VPS13B: variants seen among roughly 807,000 people sequenced by gnomAD.
VPS13B encodes the protein vacuolar protein sorting 13 homolog B, also known as intermembrane lipid transfer protein VPS13B.
A neutral mutation model predicts 426.4 loss-of-function variants in VPS13B; 285 were observed. That is an observed-to-expected ratio of 0.67 (90% CI 0.61 to 0.74). The LOEUF (loss-of-function observed/expected upper bound fraction) is 0.74. Ranked by LOEUF, VPS13B falls within the 30% of genes least tolerant of loss-of-function variation. VPS13B has a pLI of 0.00. For synonymous variants in VPS13B, 1,676 were observed against 1,676.4 expected (o/e 1.00, Z 0.01); for missense variants, 4,537 against 4,782.6 (o/e 0.95, Z 1.51).
chr8:99,097,476 C>A (rs1171915089), intron 4 of VPS13B, among the ~76,000 whole-genome samples: 1 of 152,044 alleles, frequency 6.6e-6, no homozygotes, highest in Non-Finnish European at 1.5e-5. Context: ...AGGATAGGAG[C>A]CTTTTAAACT....
intron 34 of VPS13B, among the ~76,000 whole-genome samples, chr8:99,655,569 G>A (rs1019284790): frequency 1.1e-4 from 16 of 152,040 alleles, no homozygotes; most frequent in Admixed American, 4.6e-4. Flanking sequence ...CAGTGGGCCC[G>A]GTTAGTGATT....
intron 21 of VPS13B, among the ~76,000 whole-genome samples, chr8:99,413,877 G>A (rs886659045): frequency 6.6e-6 from 1 of 152,200 alleles, no homozygotes; most frequent in Non-Finnish European, 1.5e-5. Context: ...TAAGTGTGAT[G>A]TGGTGCTGAA....
chr8:99,840,503 A>T (rs1304738358), intron 54 of VPS13B, among the ~76,000 whole-genome samples: 1 of 152,202 alleles, frequency 6.6e-6, no homozygotes, highest in Non-Finnish European at 1.5e-5. Flanking sequence ...CAGGTCATTA[A>T]TAAATATGTT....
At chr8:99,747,453 C>A (rs1810151537) in intron 39 of VPS13B, among the ~76,000 whole-genome samples, 1 of 151,790 alleles carries the variant, frequency 6.6e-6, no homozygotes, top group Non-Finnish European at 1.5e-5. Context: ...GAATACAGAC[C>A]AGCTGTTGGT....
chr8:99,581,934 A>G (rs1826082674), intron 33 of VPS13B, among the ~76,000 whole-genome samples: 1 of 152,174 alleles, frequency 6.6e-6, no homozygotes, highest in South Asian at 2.1e-4. Flanking sequence ...CTAGAGGACT[A>G]GTACAACAGG....
intron 17 of VPS13B, among the ~76,000 whole-genome samples, chr8:99,198,456 A>T (rs959632287): frequency 1.3e-5 from 2 of 152,018 alleles, no homozygotes; most frequent in East Asian, 1.9e-4. Context: ...TCTTTTTCCT[A>T]GCCAAACCTA....
intron 19 of VPS13B, among the ~76,000 whole-genome samples, chr8:99,325,689 A>T (rs1413045946): frequency 6.6e-6 from 1 of 152,174 alleles, no homozygotes. Flanking sequence ...CATGATTGGC[A>T]AGGACCTAGT....
chr8:99,255,477 G>A (rs1817699353), intron 17 of VPS13B, among the ~76,000 whole-genome samples: 1 of 152,104 alleles, frequency 6.6e-6, no homozygotes, highest in South Asian at 2.1e-4. Context: ...ATTGTTTTCC[G>A]AGATTCTGTG....
chr8:99,159,269 T>C (rs1225498243), intron 15 of VPS13B, among the ~76,000 whole-genome samples: 2 of 152,182 alleles, frequency 1.3e-5, no homozygotes, highest in East Asian at 3.9e-4. Context: ...AAGAAAGTGA[T>C]TTCTGGAGAT....
rs140441343 is a variant in VPS13B, at chr8:99,655,133, A to C, written c.5909-6221A>C. Among the ~76,000 whole-genome samples, 640 of 152,358 alleles carry C rather than the reference A, an allele frequency of 4.2e-3. 4 individuals are homozygous for C. Among genetic ancestry groups the C allele is most frequent in the African/African-American group, 0.013 (560 of 41,590 alleles). ...CCCAGACACCTTTGGAAAAGGAATC[A>C]GCACTCTAACTTCTAGTTTAGAAAA... On this transcript the variant is annotated intron_variant, in intron 34 of 61. Coordinates refer to ENST00000357162, the MANE Select transcript of VPS13B (RefSeq NM_152564.5).
At chr8:99,538,808 G>A (rs1823399335) in intron 30 of VPS13B, among the ~76,000 whole-genome samples, 1 of 152,118 alleles carries the variant, frequency 6.6e-6, no homozygotes, top group Non-Finnish European at 1.5e-5. Flanking sequence ...CTATTTGCTA[G>A]CTGTAAAGCT....
At position 99,835,212 on chromosome 8, in the gene VPS13B, A is replaced by T; in HGVS notation, c.9630A>T (p.Thr3210=). 1 of 1,614,008 alleles carries T rather than the reference A, an allele frequency of 6.2e-7. No individual in the cohort carries two copies. The part of the protein sequence containing the change: ...NGFCTRAIVL[T]YQEHLGVTYL... ...TCTCTTCCAGGGCTATAGTGCTGACATATCAAGAACACCTCGGAGTGACTT... is the reference window on the plus strand; with the variant it reads ...TCTCTTCCAGGGCTATAGTGCTGACTTATCAAGAACACCTCGGAGTGACTT... Residue 3210 remains threonine (T), a synonymous_variant, in exon 53 of 62, where the codon ACA becomes ACT. Coordinates refer to ENST00000357162, the MANE Select transcript of VPS13B (RefSeq NM_152564.5).
chr8:99,479,111 G>T (rs1189153183), intron 24 of VPS13B, among the ~76,000 whole-genome samples: 2 of 151,996 alleles, frequency 1.3e-5, no homozygotes, highest in Admixed American at 1.3e-4. Context: ...GCCACCTAGG[G>T]ACTCTTCATC....
chr8:99,751,131 T>C (rs1377960619), intron 39 of VPS13B, among the ~76,000 whole-genome samples: 3 of 152,210 alleles, frequency 2.0e-5, no homozygotes, highest in African/African-American at 7.2e-5. Context: ...CTACACTGTA[T>C]AGTCTGCCCC....
At chr8:99,473,192 G>T (rs1819502975) in intron 24 of VPS13B, among the ~76,000 whole-genome samples, 1 of 152,106 alleles carries the variant, frequency 6.6e-6, no homozygotes, top group South Asian at 2.1e-4. Flanking sequence ...ACTTCAAAAA[G>T]ACTTTACAAA....
At chr8:99,682,722 C>G (rs1831204306) in intron 35 of VPS13B, among the ~76,000 whole-genome samples, 1 of 152,182 alleles carries the variant, frequency 6.6e-6, no homozygotes, top group Non-Finnish European at 1.5e-5. Flanking sequence ...TGGGCCTCAC[C>G]CAAGGCCCGT....
intron 19 of VPS13B, among the ~76,000 whole-genome samples, chr8:99,312,938 C>T (rs1298152773): frequency 6.6e-6 from 1 of 152,086 alleles, no homozygotes; most frequent in African/African-American, 2.4e-5. Context: ...TCCCTGATGC[C>T]CTTTCTTCCA....
At chr8:99,280,817 A>AAT (rs1361430636) in intron 19 of VPS13B, among the ~76,000 whole-genome samples, 7 of 152,182 alleles carry the variant, frequency 4.6e-5, no homozygotes, top group Admixed American at 3.9e-4. Context: ...ATCAGCCTGA[A>AAT]ATATACCTGA....
Position 99,038,537 on chromosome 8 carries a change from T to A in VPS13B, c.262T>A (p.Cys88Ser). 6.2e-7 allele frequency: 1 copy of A among 1,613,062 alleles called. No homozygotes were observed. The highest frequency in any genetic ancestry group is 8.5e-7 in the Non-Finnish European group (1 of 1,179,396). ...PVVITINTME[C>S]ILKLKDGIQD... ...GGTAATTACCATCAATACTATGGAA[T>A]GCATTTTGAAACTTAAGGATGGGAT... The change falls in exon 3 of 62, where the codon TGC (cysteine) becomes AGC (serine). Residue 88 changes from cysteine (C) to serine (S), a missense_variant. By Grantham distance (112) the Cys-to-Ser change is moderately radical (BLOSUM62 -1). Around this residue, in one of 2 missense-constraint regions of VPS13B, gnomAD observed 226 missense variants for 308.3 expected, o/e 0.73. Transcript: ENST00000357162.
Sources: gnomAD v4.1 joint callset for allele counts (sites outside exome capture counted in the v4.1 genomes callset) on GRCh38, gnomAD v4.1.1 for gene constraint, gnomAD v4.1.1 regional missense constraint, MANE v1.5 for transcripts, NCBI Gene and HGNC (gene_info 2026-07-23, HGNC 2026-07-21) for gene names.